Variants in PVT1 observed in about 807,000 individuals in gnomAD.
PVT1 encodes the protein Pvt1 oncogene, also known as CXCR4/PVT1 fusion.
At chr8:127,901,012 T>C (rs1193960368) in intron 3 of PVT1, among the ~76,000 whole-genome samples, 1 of 152,056 alleles carries the variant, frequency 6.6e-6, no homozygotes, top group African/African-American at 2.4e-5. Context: ...AGGAGCAACA[T>C]AATGGGGGCC....
intron 2 of PVT1, among the ~76,000 whole-genome samples, chr8:127,828,572 C>G (rs1814816398): frequency 6.6e-6 from 1 of 152,052 alleles, no homozygotes; most frequent in South Asian, 2.1e-4. Context: ...CTTTAGAAAA[C>G]TTGCATGAAA....
rs547895214 is a variant in PVT1, at chr8:127,798,733, C to T, written n.372+2662C>T. 3.5e-4 allele frequency among the ~76,000 whole-genome samples: 53 copies of T among 150,462 alleles called. No individual in the cohort carries two copies. In the East Asian group the frequency reaches 7.3e-3, roughly 21 times the overall value. On this transcript the variant is annotated intron_variant and non_coding_transcript_variant, in intron 2 of 10. Transcript: ENST00000651587. ...AAAAAAAAAAAAAAAAAAATTAGCC[C>T]GGCGTGGTGGCACACGCCTGTAGTC...
rs1421639077 is a variant in PVT1 at position 127,919,059 on chromosome 8, T to C, written n.782+28061T>C. 2.0e-5 allele frequency among the ~76,000 whole-genome samples: 3 copies of C among 152,312 alleles called. No individual in the cohort carries two copies. The East Asian group carries it at 5.8e-4, about 29-fold the overall frequency. On this transcript the variant is annotated intron_variant and non_coding_transcript_variant, in intron 3 of 10. Coordinates refer to ENST00000651587, the Ensembl canonical transcript of PVT1. ...ACCGCTGTCAGGTTGGTGAAGGCAG[T>C]GCGCGTTGGGCCTTCCCTCCCTAGA...
chr8:127,883,766 C>T (rs1195672265), intron 2 of PVT1, among the ~76,000 whole-genome samples: 1 of 152,182 alleles, frequency 6.6e-6, no homozygotes, highest in Non-Finnish European at 1.5e-5. Flanking sequence ...GAGAATGGGG[C>T]TGGGGCCACG....
intron 3 of PVT1, among the ~76,000 whole-genome samples, chr8:127,973,296 AG>A (rs1465045245): frequency 6.6e-6 from 1 of 152,198 alleles, no homozygotes; most frequent in Admixed American, 6.5e-5. Flanking sequence ...AGGGGTACAT[AG>A]GAAATAAGAA....
chr8:127,806,730 C>T (rs1001049365), intron 2 of PVT1, among the ~76,000 whole-genome samples: 2 of 152,178 alleles, frequency 1.3e-5, no homozygotes, highest in African/African-American at 4.8e-5. Flanking sequence ...TAACCAACCC[C>T]TGAGTTGTTT....
intron 2 of PVT1, among the ~76,000 whole-genome samples, chr8:127,839,263 C>T (rs563432603): frequency 6.6e-6 from 1 of 152,178 alleles, no homozygotes; most frequent in Admixed American, 6.5e-5. Context: ...TAATAAAAGG[C>T]GGGCTGGGTG....
intron 3 of PVT1, among the ~76,000 whole-genome samples, chr8:127,972,114 C>T (rs143521121): frequency 1.3e-5 from 2 of 152,254 alleles, no homozygotes; most frequent in Admixed American, 6.5e-5. Flanking sequence ...GGAACTACTG[C>T]TGCACTCCAG....
chr8:127,822,165 G>A (rs1814737700), intron 2 of PVT1, among the ~76,000 whole-genome samples: 1 of 152,210 alleles, frequency 6.6e-6, no homozygotes, highest in African/African-American at 2.4e-5. Flanking sequence ...CCCGTTTTAA[G>A]AGCTCAGTGA....
At chr8:127,821,672 C>T (rs2129681288) in intron 2 of PVT1, among the ~76,000 whole-genome samples, 1 of 152,048 alleles carries the variant, frequency 6.6e-6, no homozygotes, top group Admixed American at 6.6e-5. Context: ...ATTAGCTGGG[C>T]ATGGTGGTGG....
chr8:127,826,994 CTTTTT>C (rs5894901), intron 2 of PVT1, among the ~76,000 whole-genome samples: 2 of 113,958 alleles, frequency 1.8e-5, no homozygotes, highest in African/African-American at 7.0e-5. Context: ...TTCTTTTTCT[CTTTTT>C]TTTTTTTTTT....
At chr8:127,884,519 T>C (rs1293034732) in intron 2 of PVT1, among the ~76,000 whole-genome samples, 3 of 152,258 alleles carry the variant, frequency 2.0e-5, no homozygotes, top group Admixed American at 6.5e-5. Context: ...GGTTTGGGTA[T>C]ATTCAGCATT....
At chr8:127,929,754 C>T (rs1161003272) in intron 3 of PVT1, among the ~76,000 whole-genome samples, 2 of 150,704 alleles carry the variant, frequency 1.3e-5, no homozygotes, top group Non-Finnish European at 2.9e-5. Context: ...GGTGACAGAG[C>T]GAGACTCCGT....
intron 2 of PVT1, among the ~76,000 whole-genome samples, chr8:127,832,641 G>A (rs1175202057): frequency 1.3e-5 from 2 of 152,160 alleles, no homozygotes; most frequent in Non-Finnish European, 2.9e-5. Context: ...GGCGGATCAC[G>A]AGGTCAGGAG....
intron 4 of PVT1, among the ~76,000 whole-genome samples, chr8:127,992,884 C>T (rs1760242517): frequency 6.6e-6 from 1 of 152,230 alleles, no homozygotes; most frequent in East Asian, 1.9e-4. Flanking sequence ...ACCGCATCAG[C>T]AGGCTCCTGC....
intron 3 of PVT1, among the ~76,000 whole-genome samples, chr8:127,966,349 C>T (rs1816702625): frequency 6.6e-6 from 1 of 152,154 alleles, no homozygotes; most frequent in Non-Finnish European, 1.5e-5. Context: ...GGTTCATGCA[C>T]CTAGTAAGTA....
chr8:127,829,910 C>A (rs1239446145), intron 2 of PVT1, among the ~76,000 whole-genome samples: 1 of 152,196 alleles, frequency 6.6e-6, no homozygotes, highest in Non-Finnish European at 1.5e-5. Context: ...TCTCTTCTTG[C>A]CTCCTCTTGG....
intron 4 of PVT1, among the ~76,000 whole-genome samples, chr8:128,046,607 G>A (rs535640261): frequency 3.3e-5 from 5 of 152,290 alleles, no homozygotes; most frequent in Admixed American, 2.0e-4. Flanking sequence ...GCCCCCCATC[G>A]CATCTGGAGG....
chr8:127,827,879 C>G (rs961004468), intron 2 of PVT1, among the ~76,000 whole-genome samples: 1 of 152,058 alleles, frequency 6.6e-6, no homozygotes, highest in Non-Finnish European at 1.5e-5. Flanking sequence ...GCCCCTGTGC[C>G]GTATTTCCCT....
Sources: gnomAD v4.1 joint callset for allele counts (sites outside exome capture counted in the v4.1 genomes callset) on GRCh38, gnomAD v4.1.1 for gene constraint, MANE v1.5 for transcripts, NCBI Gene and HGNC (gene_info 2026-07-23, HGNC 2026-07-21) for gene names.